The following SS18L2 variants were observed in gnomAD, a reference collection of about 807,000 sequenced individuals.
SS18L2 encodes SS18 like 2.
SS18L2 carries 8 observed loss-of-function variants against 10.3 expected under a neutral mutation model. The ratio of observed to expected loss-of-function variants is 0.78; its 90% CI spans 0.46 to 1.41. SS18L2 has a LOEUF of 1.41. Among genes scored for constraint, SS18L2 ranks in the 40% most tolerant of loss-of-function variants. The pLI, the probability that SS18L2 is intolerant of heterozygous loss-of-function variation, is 0.00. For missense variants in SS18L2, 100 were observed against 96.2 expected (o/e 1.04, Z -0.17); for synonymous variants, 41 against 34.6 (o/e 1.19, Z -0.65).
At chr3:42,584,776 A>G (rs928136320) in intron 1 of SS18L2, among the ~76,000 whole-genome samples, 1 of 152,202 alleles carries the variant, frequency 6.6e-6, no homozygotes, top group Admixed American at 6.5e-5. Context: ...AAAGAAGGAG[A>G]AAAACCAGGA....
intron 2 of SS18L2, among the ~76,000 whole-genome samples, chr3:42,593,773 T>C (rs550714132): frequency 3.9e-5 from 6 of 152,340 alleles, no homozygotes; most frequent in African/African-American, 1.4e-4. Flanking sequence ...AGTGCTATTT[T>C]ATACATGGTA....
chr3:42,589,998 G>A (rs115070776), upstream of SS18L2, among the ~76,000 whole-genome samples: 63 of 152,314 alleles, frequency 4.1e-4, no homozygotes, highest in African/African-American at 1.5e-3. Context: ...CAGGCTGCCC[G>A]TATTCAGAGA....
rs754592988 is a variant in SS18L2, at chr3:42,596,625, G to A, written c.*2116G>A. Among the ~76,000 whole-genome samples, 1 of 152,206 alleles carries A rather than the reference G, an allele frequency of 6.6e-6. No homozygotes were observed. The highest frequency in any genetic ancestry group is 1.5e-5 in the Non-Finnish European group (1 of 68,042). On this transcript the variant is annotated 3_prime_UTR_variant, in exon 3 of 3. Coordinates refer to ENST00000011691, the MANE Select transcript of SS18L2 (RefSeq NM_001370300.1). ...GCCCTAGGCCTGCCTTGTCCCAGGAGTTTCTTCACCTTAATCACAGACCAA... is the reference window on the plus strand; with the variant it reads ...GCCCTAGGCCTGCCTTGTCCCAGGAATTTCTTCACCTTAATCACAGACCAA...
intron 2 of SS18L2, among the ~76,000 whole-genome samples, chr3:42,592,949 A>G (rs1704902709): frequency 6.6e-6 from 1 of 152,202 alleles, no homozygotes; most frequent in Admixed American, 6.5e-5. Context: ...TTATAAGTAC[A>G]GTTGGTCCTC....
rs1020665355 is a variant in SS18L2, at chr3:42,596,484, C to G, written c.*1975C>G. 2.6e-5 allele frequency among the ~76,000 whole-genome samples: 4 copies of G among 152,160 alleles called. No individual in the cohort carries two copies. The highest frequency in any genetic ancestry group is 5.9e-5 in the Non-Finnish European group (4 of 68,030). On this transcript the variant is annotated 3_prime_UTR_variant, in exon 3 of 3. Transcript: ENST00000011691. ...CTGAAAATTCGTACTACCAGTGGTT[C>G]TTCTTCATGATAAATCATGGACAAA...
rs1272218629 is a variant in SS18L2 at position 42,594,482 on chromosome 3, A to T, written c.207A>T (p.Pro69=). 10 of 1,613,928 alleles carry T rather than the reference A, an allele frequency of 6.2e-6. No individual in the cohort carries two copies. The highest frequency in any genetic ancestry group is 8.5e-6 in the Non-Finnish European group (10 of 1,179,912). ...TGGCTACCATTGCAGATGCCAGTCC[A>T]ACCAGCACTTCAAAAGCAATGGAAT... is the stretch of plus-strand genomic sequence containing the variant. The part of the protein sequence containing the change: ...IYLATIADAS[P]TSTSKAME The change falls in exon 3 of 3, where the codon CCA becomes CCT. Residue 69 remains proline (P), a synonymous_variant. Coordinates refer to ENST00000011691, the MANE Select transcript of SS18L2 (RefSeq NM_001370300.1).
upstream of SS18L2, among the ~76,000 whole-genome samples, chr3:42,587,774 C>T (rs1476920850): frequency 1.3e-5 from 2 of 150,534 alleles, no homozygotes; most frequent in African/African-American, 4.9e-5. Context: ...AAACCTCACT[C>T]AAAACCTTCG....
chr3:42,594,415 C>A lies in SS18L2; in HGVS notation c.147-7C>A. On this transcript the variant is annotated splice_polypyrimidine_tract_variant and splice_region_variant and intron_variant, in intron 2 of 2. Coordinates refer to ENST00000011691, the MANE Select transcript of SS18L2 (RefSeq NM_001370300.1). ...CCTCTGATTTTTGCCTGTTTTTTTG[C>A]CCATAGGTACCAGCATGTGTTACAT... 1 of 1,607,800 alleles carries A rather than the reference C, an allele frequency of 6.2e-7. No homozygotes were observed. The highest frequency in any genetic ancestry group is 8.5e-7 in the Non-Finnish European group (1 of 1,176,326).
chr3:42,591,143 C>A, intron 1 of SS18L2, 177 bp downstream of exon 1: 1 of 676,544 alleles, frequency 1.5e-6, no homozygotes, highest in Admixed American at 2.3e-5. Flanking sequence ...GGCAGGACCC[C>A]GGCATGGGGT....
chr3:42,595,336 C>A lies in SS18L2; in HGVS notation c.*827C>A, dbSNP rs1379726803. On this transcript the variant is annotated 3_prime_UTR_variant, in exon 3 of 3. Coordinates refer to ENST00000011691, the MANE Select transcript of SS18L2 (RefSeq NM_001370300.1). ...ATAACTAGGTGTTTACCCTAGAATT[C>A]TCTCGTGTTCTACATACAGTTGTAT... Among the ~76,000 whole-genome samples, 1 of 152,094 alleles carries A rather than the reference C, an allele frequency of 6.6e-6. No homozygotes were observed. Among genetic ancestry groups the A allele is most frequent in the Non-Finnish European group, 1.5e-5 (1 of 68,008 alleles).
chr3:42,582,105 T>A (rs1230089953), intron 1 of SS18L2: 1 of 152,114 alleles, frequency 6.6e-6, no homozygotes, highest in Non-Finnish European at 1.5e-5. Context: ...GCGAACGTAG[T>A]GGTTCTTAAA....
At chr3:42,591,282 A>G (rs946766878) in intron 1 of SS18L2, 2 of 566,658 alleles carry the variant, frequency 3.5e-6, no homozygotes, top group Non-Finnish European at 6.2e-6. Context: ...CACTGAAACC[A>G]CCGCTTCCTG....
rs756393910 is a variant in SS18L2 at position 42,596,292 on chromosome 3, GATTACAGGCGT to G, written c.*1785_*1795del. Among the ~76,000 whole-genome samples the G allele has an allele frequency of 4.6e-5, 7 of 152,316 alleles. No individual in the cohort carries two copies. Among genetic ancestry groups the G allele is most frequent in the Middle Eastern group, 6.8e-3 (2 of 294 alleles). On this transcript the variant is annotated 3_prime_UTR_variant, in exon 3 of 3. Transcript: ENST00000011691. ...CTGCCTCAGCCTCCTAGAGTGCTGGGATTACAGGCGTAAGCCACCGCGCCCAGCCGATCATT... is the reference window on the plus strand; with the variant it reads ...CTGCCTCAGCCTCCTAGAGTGCTGGGAAGCCACCGCGCCCAGCCGATCATT...
At chr3:42,587,442 A>C (rs530269457), upstream of SS18L2, 1 of 152,122 alleles carries the variant, frequency 6.6e-6, no homozygotes, top group Non-Finnish European at 1.5e-5. Flanking sequence ...TTAAAAAACC[A>C]ATCAGTCCAG....
At chr3:42,583,543 G>C (rs564005598) in intron 1 of SS18L2, among the ~76,000 whole-genome samples, 1 of 152,262 alleles carries the variant, frequency 6.6e-6, no homozygotes, top group South Asian at 2.1e-4. Flanking sequence ...TTTGAGACTT[G>C]GTTAGGATTT....
rs750236665 is a variant in SS18L2, at chr3:42,596,302, G to A, written c.*1793G>A. 7.2e-5 allele frequency among the ~76,000 whole-genome samples: 11 copies of A among 152,138 alleles called. No homozygotes were observed. Among genetic ancestry groups the A allele is most frequent in the South Asian group, 6.2e-4 (3 of 4,826 alleles). ...CTCCTAGAGTGCTGGGATTACAGGCGTAAGCCACCGCGCCCAGCCGATCAT... is the reference window on the plus strand; with the variant it reads ...CTCCTAGAGTGCTGGGATTACAGGCATAAGCCACCGCGCCCAGCCGATCAT... On this transcript the variant is annotated 3_prime_UTR_variant, in exon 3 of 3. Coordinates refer to ENST00000011691, the MANE Select transcript of SS18L2 (RefSeq NM_001370300.1).
chr3:42,585,947 C>A (rs148692279), upstream of SS18L2, among the ~76,000 whole-genome samples: 1,008 of 152,214 alleles, frequency 6.6e-3, 12 homozygotes, highest in Admixed American at 0.015. Flanking sequence ...TCAACCCCCC[C>A]TCCCCCGCTT....
At chr3:42,582,779 T>A (rs887354985) in intron 1 of SS18L2, among the ~76,000 whole-genome samples, 3 of 152,092 alleles carry the variant, frequency 2.0e-5, no homozygotes, top group Admixed American at 6.5e-5. Flanking sequence ...AGAGGAAGTG[T>A]GTTTCAGATG....
At chr3:42,584,237 C>T (rs1419161949) in intron 1 of SS18L2, among the ~76,000 whole-genome samples, 4 of 152,150 alleles carry the variant, frequency 2.6e-5, no homozygotes, top group African/African-American at 7.2e-5. Context: ...GGTTGCAGGT[C>T]AATGTAGAGG....
Sources: allele counts gnomAD v4.1 joint callset (sites outside exome capture counted in the v4.1 genomes callset), GRCh38; gene constraint gnomAD v4.1.1; transcripts MANE v1.5; gene names NCBI Gene and HGNC (gene_info 2026-07-23, HGNC 2026-07-21).